The following GUCY1A2 variants were observed in gnomAD, a reference collection of about 807,000 sequenced individuals.
The protein encoded by GUCY1A2 is guanylate cyclase 1 soluble subunit alpha 2.
GUCY1A2 carries 27 observed loss-of-function variants against 63.5 expected under a neutral mutation model. The ratio of observed to expected loss-of-function variants is 0.43; its 90% CI spans 0.31 to 0.59. The LOEUF is 0.59. GUCY1A2 is among the 20% of genes least tolerant of loss of function. The probability of loss-of-function intolerance (pLI) is 0.11; values close to 1 mark genes in which losing one functional copy is unlikely to be tolerated. For synonymous variants in GUCY1A2, 364 were observed against 343.5 expected (o/e 1.06, Z -0.66); for missense variants, 768 against 913.3 (o/e 0.84, Z 2.05).
chr11:106,939,765 T>C lies in GUCY1A2; in HGVS notation c.901A>G (p.Ile301Val), dbSNP rs143618710. 8 of 1,613,892 alleles carry C rather than the reference T, an allele frequency of 5.0e-6. No individual in the cohort carries two copies. In the African/African-American group the frequency reaches 5.3e-5, roughly 11 times the overall value. ...GTTCCCTGTGGAAGGTTCTTCATGA[T>C]ATTAGTATTTTCACATTCTTTGATA... Reference protein sequence around the residue: ...FLIKECENTNIMKNLPQGTSQ... With the variant: ...FLIKECENTNVMKNLPQGTSQ... Residue 301 changes from isoleucine (I) to valine (V), a missense_variant, in exon 4 of 8, where the codon ATC (isoleucine) becomes GTC (valine). Physicochemically the swap from Ile to Val is conservative, Grantham distance 29. Coordinates refer to ENST00000526355, the MANE Select transcript of GUCY1A2 (RefSeq NM_000855.3).
intron 6 of GUCY1A2, among the ~76,000 whole-genome samples, chr11:106,738,866 G>A (rs985904953): frequency 3.9e-5 from 6 of 152,212 alleles, no homozygotes; most frequent in African/African-American, 1.4e-4. Context: ...GATTGTCTTG[G>A]CTATACGGGT....
At chr11:106,714,753 G>C (rs1863186114) in intron 6 of GUCY1A2, among the ~76,000 whole-genome samples, 1 of 152,044 alleles carries the variant, frequency 6.6e-6, no homozygotes, top group East Asian at 1.9e-4. Context: ...AACTGGGAGG[G>C]AGAGGTGCTA....
At position 106,810,088 on chromosome 11, in the gene GUCY1A2, T is replaced by C. The variant is rs752825157; in HGVS notation, c.1597A>G (p.Ile533Val). Reference protein sequence around the residue: ...LFSDIVGFTAICAQCTPMQVI... With the variant: ...LFSDIVGFTAVCAQCTPMQVI... The stretch of plus-strand genomic sequence containing the variant: ...TGCATGGGAGTACACTGGGCACATA[T>C]GGCTGTGAAGCCAACAATGTCTGAA... The change falls in exon 5 of 8, where the codon ATA (isoleucine) becomes GTA (valine). Residue 533 changes from isoleucine to valine, a missense_variant. Transcript: ENST00000526355. 1.2e-5 allele frequency: 19 copies of C among 1,613,670 alleles called. No individual in the cohort carries two copies. The Admixed American group carries it at 2.3e-4, about 20-fold the overall frequency.
At chr11:106,891,203 T>A (rs927065974) in intron 4 of GUCY1A2, among the ~76,000 whole-genome samples, 4 of 152,192 alleles carry the variant, frequency 2.6e-5, no homozygotes, top group African/African-American at 9.6e-5. Flanking sequence ...TTAATTTACA[T>A]TTTTTGATAA....
At chr11:106,895,357 G>A (rs564594519) in intron 4 of GUCY1A2, among the ~76,000 whole-genome samples, 1 of 152,106 alleles carries the variant, frequency 6.6e-6, no homozygotes, top group South Asian at 2.1e-4. Flanking sequence ...CCATAATATA[G>A]AAGTGATGAG....
intron 6 of GUCY1A2, among the ~76,000 whole-genome samples, chr11:106,725,329 C>G (rs572029941): frequency 1.3e-5 from 1 of 74,606 alleles, no homozygotes; most frequent in African/African-American, 5.2e-5. Context: ...CCCGCCACTA[C>G]GCCCGGCTAA....
chr11:106,847,241 A>AAT lies in GUCY1A2; in HGVS notation c.1207-36765_1207-36764dup, dbSNP rs975195456. Reference sequence around the variant, plus strand: ...TGATATTGCAAAACTCAAAAAAAAAAATATATATATATATATAAAAAATTG... The same window carrying AAT: ...TGATATTGCAAAACTCAAAAAAAAAAATATATATATATATATATAAAAAATTG... On this transcript the variant is annotated intron_variant, in intron 4 of 7. Coordinates refer to ENST00000526355, the MANE Select transcript of GUCY1A2 (RefSeq NM_000855.3). Among the ~76,000 whole-genome samples the AAT allele has an allele frequency of 2.9e-3, 416 of 143,562 alleles. 2 individuals are homozygous for AAT. Among genetic ancestry groups the AAT allele is most frequent in the Admixed American group, 7.5e-3 (107 of 14,302 alleles). 94.2% of individuals were successfully genotyped at this position (143,562 alleles called of 152,430 possible).
At chr11:106,996,812 C>T (rs192862879) in intron 1 of GUCY1A2, among the ~76,000 whole-genome samples, 7 of 152,184 alleles carry the variant, frequency 4.6e-5, no homozygotes, top group African/African-American at 1.7e-4. Context: ...CCATTGCTTC[C>T]ACTTCTCTTG....
chr11:106,843,671 A>C (rs1343443978), intron 4 of GUCY1A2, among the ~76,000 whole-genome samples: 1 of 151,912 alleles, frequency 6.6e-6, no homozygotes, highest in Non-Finnish European at 1.5e-5. Flanking sequence ...AATACAGCCT[A>C]ATGTTCATTT....
chr11:106,794,075 G>A (rs1287875392), intron 5 of GUCY1A2, among the ~76,000 whole-genome samples: 1 of 152,096 alleles, frequency 6.6e-6, no homozygotes. Flanking sequence ...ATTCAAAATA[G>A]CCAAGATGTA....
At chr11:106,725,108 A>C (rs117549743) in intron 6 of GUCY1A2, among the ~76,000 whole-genome samples, 5,861 of 150,124 alleles carry the variant, frequency 0.039, 132 homozygotes, top group Non-Finnish European at 0.045. Context: ...AGAACAACTC[A>C]GATATTTATG....
chr11:106,957,229 A>C (rs1438581184), intron 3 of GUCY1A2, among the ~76,000 whole-genome samples: 1 of 152,142 alleles, frequency 6.6e-6, no homozygotes, highest in East Asian at 1.9e-4. Flanking sequence ...TGCAAGTCCC[A>C]GTGCTGACTC....
intron 1 of GUCY1A2, among the ~76,000 whole-genome samples, chr11:106,996,512 C>T (rs1031381678): frequency 2.0e-5 from 3 of 152,170 alleles, no homozygotes; most frequent in Middle Eastern, 3.2e-3. Context: ...TTAAAGCAAA[C>T]TTCTAATTAT....
At chr11:106,696,921 A>G (rs189629625) in intron 7 of GUCY1A2, among the ~76,000 whole-genome samples, 5 of 152,262 alleles carry the variant, frequency 3.3e-5, no homozygotes, top group African/African-American at 1.2e-4. Context: ...TACAGGTTAG[A>G]TAGAGACAAA....
At chr11:107,006,546 A>C (rs540939635) in intron 1 of GUCY1A2, among the ~76,000 whole-genome samples, 1 of 152,378 alleles carries the variant, frequency 6.6e-6, no homozygotes, top group South Asian at 2.1e-4. Context: ...AAAGATAGGA[A>C]AACGGTTTGT....
chr11:107,007,242 GACTA>G (rs796101959), intron 1 of GUCY1A2, among the ~76,000 whole-genome samples: 2 of 152,266 alleles, frequency 1.3e-5, no homozygotes, highest in African/African-American at 4.8e-5. Flanking sequence ...GTTTCTCAAA[GACTA>G]ACTAGTTACC....
chr11:106,780,829 T>C (rs1390385559), intron 5 of GUCY1A2, among the ~76,000 whole-genome samples: 1 of 152,158 alleles, frequency 6.6e-6, no homozygotes, highest in Non-Finnish European at 1.5e-5. Flanking sequence ...TTTCCAGATA[T>C]ATTCGGCACC....
chr11:106,779,089 G>GTTTTGC (rs1320357750), intron 5 of GUCY1A2, among the ~76,000 whole-genome samples: 6 of 152,092 alleles, frequency 3.9e-5, no homozygotes, highest in Non-Finnish European at 8.8e-5. Flanking sequence ...GAACACTTAA[G>GTTTTGC]AAGCTCATGA....
chr11:106,928,164 TCA>T (rs928931829), intron 4 of GUCY1A2, among the ~76,000 whole-genome samples: 13 of 152,166 alleles, frequency 8.5e-5, no homozygotes, highest in African/African-American at 3.1e-4. Flanking sequence ...CCATATATGT[TCA>T]CAGAGAGAAA....
Sources: gnomAD v4.1 joint callset for allele counts (sites outside exome capture counted in the v4.1 genomes callset) on GRCh38, gnomAD v4.1.1 for gene constraint, MANE v1.5 for transcripts, NCBI Gene and HGNC (gene_info 2026-07-23, HGNC 2026-07-21) for gene names.